The following PRELID2 variants were observed in gnomAD, a reference collection of about 807,000 sequenced individuals.
PRELID2 encodes the protein PRELI domain-containing protein 2.
A neutral mutation model predicts 28.4 loss-of-function variants in PRELID2; 25 were observed. The ratio of observed to expected loss-of-function variants is 0.88; its 90% CI spans 0.64 to 1.23. The LOEUF (loss-of-function observed/expected upper bound fraction) is 1.23, where lower values mean the gene tolerates loss of function less well. PRELID2 is among the 50% of genes most tolerant of loss of function. The probability of loss-of-function intolerance (pLI) is 0.00; values close to 1 mark genes in which losing one functional copy is unlikely to be tolerated. For synonymous variants in PRELID2, 76 were observed against 71.6 expected, an observed-to-expected ratio of 1.06 and a Z score of -0.31; for missense variants, 201 against 214.4, an observed-to-expected ratio of 0.94 and a Z score of 0.39.
chr5:145,726,009 C>G (rs1160540046), intron 1 of PRELID2, among the ~76,000 whole-genome samples: 1 of 151,792 alleles, frequency 6.6e-6, no homozygotes. Context: ...ATAGTGAGAC[C>G]CTGTGTCTAC....
intron 1 of PRELID2, among the ~76,000 whole-genome samples, chr5:145,595,753 C>T (rs1753296365): frequency 6.6e-6 from 1 of 152,108 alleles, no homozygotes; most frequent in Non-Finnish European, 1.5e-5. Context: ...AAGTTGTATT[C>T]CTCTTTTGAA....
At chr5:145,766,390 C>T (rs1210659161) in intron 5 of PRELID2, among the ~76,000 whole-genome samples, 2 of 152,120 alleles carry the variant, frequency 1.3e-5, no homozygotes, top group Non-Finnish European at 2.9e-5. Context: ...GTGAACACCA[C>T]GTGGGCCTGC....
chr5:145,618,272 C>A (rs746197412), intron 1 of PRELID2, among the ~76,000 whole-genome samples: 1 of 152,074 alleles, frequency 6.6e-6, no homozygotes, highest in Non-Finnish European at 1.5e-5. Context: ...TGTCATGTTA[C>A]CTGAGTTGGT....
chr5:145,564,962 C>T (rs1435505689), intron 1 of PRELID2, among the ~76,000 whole-genome samples: 1 of 152,196 alleles, frequency 6.6e-6, no homozygotes, highest in Admixed American at 6.5e-5. Context: ...CCTGCTTCGG[C>T]TCACCCTCCG....
In PRELID2 at chr5:145,669,624, C is replaced by A. The variant is rs1462215579; in HGVS notation, n.70+95307G>T. On this transcript the variant is annotated intron_variant and non_coding_transcript_variant, in intron 1 of 2. Transcript: ENST00000510259. Reference sequence around the variant, plus strand: ...AGTCATGCCATTTTATGTTTAAAATCCTCAGCAGATATCTATAGTTATTGG... The same window carrying A: ...AGTCATGCCATTTTATGTTTAAAATACTCAGCAGATATCTATAGTTATTGG... 2.0e-5 allele frequency among the ~76,000 whole-genome samples: 3 copies of A among 152,044 alleles called. No homozygotes were observed. In the East Asian group the frequency reaches 5.8e-4, roughly 29 times the overall value.
the PRELID2 span, among the ~76,000 whole-genome samples, chr5:145,276,127 A>G: frequency 3.3e-5 from 5 of 152,276 alleles, no homozygotes; most frequent in African/African-American, 1.2e-4. Context: ...TGAATTCAGC[A>G]AGCATTTGTT....
intron 1 of PRELID2, among the ~76,000 whole-genome samples, chr5:145,580,578 G>C (rs1753099930): frequency 1.3e-5 from 2 of 151,990 alleles, no homozygotes; most frequent in South Asian, 4.1e-4. Flanking sequence ...CTCTCCTCAA[G>C]AGAATGCATT....
At position 145,639,664 on chromosome 5, in the gene PRELID2, C is replaced by A. The variant is rs1283822604; in HGVS notation, n.70+125267G>T. ...TTTCCTATTCAATGCGATCTGGAAA[C>A]TATTCAAATCCAATGTTGGGAAAGT... On this transcript the variant is annotated intron_variant and non_coding_transcript_variant, in intron 1 of 2. Coordinates refer to the PRELID2 transcript ENST00000510259. Among the ~76,000 whole-genome samples, 3 of 152,146 alleles carry A rather than the reference C, an allele frequency of 2.0e-5. No individual in the cohort carries two copies. In the East Asian group the frequency reaches 5.8e-4, roughly 29 times the overall value.
chr5:145,464,356 G>T, the PRELID2 span, among the ~76,000 whole-genome samples: 1 of 152,126 alleles, frequency 6.6e-6, no homozygotes, highest in Non-Finnish European at 1.5e-5. Context: ...TGCCAATTTT[G>T]TTATGACAAT....
chr5:145,517,128 T>G (rs572577383), intron 1 of PRELID2, among the ~76,000 whole-genome samples: 49 of 152,164 alleles, frequency 3.2e-4, no homozygotes, highest in African/African-American at 1.2e-3. Flanking sequence ...AAAGCCAAAA[T>G]TGACAAATGG....
chr5:145,496,444 C>A (rs1752310656), intron 1 of PRELID2, among the ~76,000 whole-genome samples: 1 of 152,042 alleles, frequency 6.6e-6, no homozygotes, highest in Admixed American at 6.6e-5. Context: ...AAAGAGATAA[C>A]CTGGGAAATC....
intron 1 of PRELID2, among the ~76,000 whole-genome samples, chr5:145,494,996 G>T (rs1752298067): frequency 6.6e-6 from 1 of 152,172 alleles, no homozygotes; most frequent in Non-Finnish European, 1.5e-5. Flanking sequence ...AAGATGTGAT[G>T]TAAGCTGTTT....
chr5:145,409,737 C>T, the PRELID2 span, among the ~76,000 whole-genome samples: 2 of 146,836 alleles, frequency 1.4e-5, no homozygotes, highest in Non-Finnish European at 3.0e-5. Context: ...CAAGGTGAAA[C>T]CCCATCTCTA....
the PRELID2 span, among the ~76,000 whole-genome samples, chr5:145,461,270 C>T: frequency 2.6e-5 from 4 of 152,202 alleles, no homozygotes; most frequent in African/African-American, 9.6e-5. Context: ...TATTGCTCAT[C>T]GACTGTATAC....
chr5:145,657,105 T>C (rs1754409311), intron 1 of PRELID2, among the ~76,000 whole-genome samples: 2 of 152,156 alleles, frequency 1.3e-5, no homozygotes. Context: ...ATTTTGCTAT[T>C]CAAAATTTTA....
At chr5:145,229,798 G>A in the PRELID2 span, 1 of 758,972 alleles carries the variant, frequency 1.3e-6, no homozygotes, top group Non-Finnish European at 2.4e-6. Flanking sequence ...TTCTGACATA[G>A]CCCTGAGTGT....
chr5:145,551,924 C>T (rs1297649722), intron 1 of PRELID2, among the ~76,000 whole-genome samples: 8 of 152,066 alleles, frequency 5.3e-5, no homozygotes, highest in Admixed American at 5.2e-4. Flanking sequence ...GGTACCAGGG[C>T]AATACATACC....
chr5:145,768,125 T>C (rs1184154964), intron 5 of PRELID2, among the ~76,000 whole-genome samples: 1 of 146,054 alleles, frequency 6.8e-6, no homozygotes, highest in Non-Finnish European at 1.5e-5. Flanking sequence ...CTCAGGAGGC[T>C]AAGACAGGAG....
At chr5:145,250,390 T>C in the PRELID2 span, among the ~76,000 whole-genome samples, 1 of 152,154 alleles carries the variant, frequency 6.6e-6, no homozygotes, top group Non-Finnish European at 1.5e-5. Context: ...AGTTTCTGAC[T>C]TCATTCAAAA....
Sources: gnomAD v4.1 joint callset for allele counts (sites outside exome capture counted in the v4.1 genomes callset) on GRCh38, gnomAD v4.1.1 for gene constraint, MANE v1.5 for transcripts, NCBI Gene and HGNC (gene_info 2026-07-23, HGNC 2026-07-21) for gene names.